SLIT2: variants seen among roughly 807,000 people sequenced by gnomAD.
The protein encoded by SLIT2 is slit guidance ligand 2, also known as slit homolog 2 protein.
SLIT2 carries 41 observed loss-of-function variants against 185.7 expected under a neutral mutation model. The observed-to-expected ratio is 0.22, with a 90% CI of 0.17 to 0.29. The LOEUF (loss-of-function observed/expected upper bound fraction) is 0.29. Ranked by LOEUF, SLIT2 falls within the 10% of genes least tolerant of loss-of-function variation. SLIT2 has a pLI of 1.00. For missense variants in SLIT2, 1,571 were observed against 1,909.0 expected, an observed-to-expected ratio of 0.82 and a Z score of 3.30; for synonymous variants, 693 against 680.2, an observed-to-expected ratio of 1.02 and a Z score of -0.29.
intron 11 of SLIT2, among the ~76,000 whole-genome samples, chr4:20,516,930 CT>C (rs1720267868): frequency 6.6e-6 from 1 of 152,036 alleles, no homozygotes; most frequent in South Asian, 2.1e-4. Context: ...GCATCTGTTA[CT>C]TTTTAACATG....
chr4:20,455,071 G>A (rs1273408651), intron 4 of SLIT2, among the ~76,000 whole-genome samples: 2 of 152,062 alleles, frequency 1.3e-5, no homozygotes, highest in South Asian at 4.1e-4. Context: ...TATGGAAAAT[G>A]TACATTCAGC....
rs758286740 is a variant in SLIT2, at chr4:20,491,771, A to G, written c.786A>G (p.Ser262=). The stretch of plus-strand genomic sequence containing the variant: ...TTATTTCTTTTTTAGGTCACCAGTC[A>G]TTTATGGCTCCTTCTTGTAGTGTTT... ...KREFVCSGHQ[S]FMAPSCSVLH... The change falls in exon 9 of 37, where the codon TCA becomes TCG. Residue 262 remains serine (S), a synonymous_variant. Transcript: ENST00000504154. 2.5e-6 allele frequency: 4 copies of G among 1,611,166 alleles called. No individual in the cohort carries two copies.
intron 4 of SLIT2, among the ~76,000 whole-genome samples, chr4:20,296,044 A>G (rs1270746714): frequency 4.6e-5 from 7 of 152,246 alleles, no homozygotes; most frequent in African/African-American, 1.2e-4. Flanking sequence ...CAAGTTTTCT[A>G]TCATGTGTTG....
At chr4:20,426,629 T>C (rs1728576760) in intron 4 of SLIT2, among the ~76,000 whole-genome samples, 1 of 151,086 alleles carries the variant, frequency 6.6e-6, no homozygotes, top group Non-Finnish European at 1.5e-5. Context: ...TGGAAATTGA[T>C]TGAAGAGGGA....
intron 4 of SLIT2, among the ~76,000 whole-genome samples, chr4:20,444,636 G>A (rs1173822995): frequency 1.3e-5 from 2 of 152,196 alleles, no homozygotes; most frequent in East Asian, 1.9e-4. Flanking sequence ...GGATAGCCCA[G>A]TGCAGTATCG....
intron 26 of SLIT2, among the ~76,000 whole-genome samples, chr4:20,561,982 A>AT (rs1416478586): frequency 6.6e-6 from 1 of 151,780 alleles, no homozygotes; most frequent in Non-Finnish European, 1.5e-5. Flanking sequence ...TTTCCATGTA[A>AT]TTTTGGCTCA....
In SLIT2 at chr4:20,596,544, C is replaced by T. The variant is rs1175718792; in HGVS notation, c.3450C>T (p.Gly1150=). 1 of 1,613,888 alleles carries T rather than the reference C, an allele frequency of 6.2e-7. No individual in the cohort carries two copies. The highest frequency in any genetic ancestry group is 8.5e-7 in the Non-Finnish European group (1 of 1,179,966). The change falls in exon 32 of 37, where the codon GGC becomes GGT. Residue 1150 remains glycine, a synonymous_variant. Transcript: ENST00000504154. Reference sequence around the variant, plus strand: ...AGCCAATATGTCAGTGTTTGCCTGGCTATCAGGGAGAAAAGTGTGAAAAAT... The same window carrying T: ...AGCCAATATGTCAGTGTTTGCCTGGTTATCAGGGAGAAAAGTGTGAAAAAT... ...INEPICQCLP[G]YQGEKCEKLV... is the part of the protein sequence containing the mutation.
At chr4:20,534,628 T>A (rs372771233) in intron 18 of SLIT2, among the ~76,000 whole-genome samples, 7 of 152,290 alleles carry the variant, frequency 4.6e-5, no homozygotes, top group African/African-American at 1.7e-4. Context: ...AAAATATTTG[T>A]AACCAAGAAG....
chr4:20,377,742 A>G (rs1320864699), intron 4 of SLIT2, among the ~76,000 whole-genome samples: 1 of 151,960 alleles, frequency 6.6e-6, no homozygotes, highest in Non-Finnish European at 1.5e-5. Flanking sequence ...CAGTTCCCCA[A>G]CTCTCAGTTT....
intron 5 of SLIT2, 67 bp downstream of exon 5, chr4:20,467,890 T>C (rs1182306831): frequency 5.2e-6 from 4 of 775,648 alleles, no homozygotes; most frequent in Admixed American, 2.6e-5. Context: ...AAGTTTATAT[T>C]AAATAAAGTG....
intron 9 of SLIT2, among the ~76,000 whole-genome samples, chr4:20,495,852 A>G (rs1560475156): frequency 6.6e-6 from 1 of 152,134 alleles, no homozygotes; most frequent in African/African-American, 2.4e-5. Flanking sequence ...TAGCTTAGTA[A>G]TTTATTTCTT....
intron 4 of SLIT2, among the ~76,000 whole-genome samples, chr4:20,338,705 G>A (rs183122601): frequency 1.3e-5 from 2 of 152,270 alleles, no homozygotes; most frequent in African/African-American, 4.8e-5. Context: ...ACTGCTGGGA[G>A]ACAGCAGGGA....
chr4:20,613,425 G>A (rs1456373121), intron 34 of SLIT2, among the ~76,000 whole-genome samples: 1 of 152,160 alleles, frequency 6.6e-6, no homozygotes, highest in Non-Finnish European at 1.5e-5. Context: ...CATACTGCAT[G>A]TTTCTCACCT....
intron 4 of SLIT2, among the ~76,000 whole-genome samples, chr4:20,290,066 A>G (rs1328284677): frequency 6.6e-6 from 1 of 152,118 alleles, no homozygotes; most frequent in Non-Finnish European, 1.5e-5. Flanking sequence ...CTACCTGCTC[A>G]TCTCCCAGTT....
In SLIT2 at chr4:20,404,647, A is replaced by G. The variant is rs574402032; in HGVS notation, c.396-63105A>G. Among the ~76,000 whole-genome samples, 10 of 152,210 alleles carry G rather than the reference A, an allele frequency of 6.6e-5. No homozygotes were observed. The South Asian group carries it at 2.1e-3, about 32-fold the overall frequency. ...CGAATGAATGCATGAATGAATGAAC[A>G]AGGGGAAATCTTGCCCAGAAAACCT... On this transcript the variant is annotated intron_variant, in intron 4 of 36. Transcript: ENST00000504154.
At chr4:20,521,246 T>C (rs558666278) in intron 12 of SLIT2, among the ~76,000 whole-genome samples, 1 of 152,342 alleles carries the variant, frequency 6.6e-6, no homozygotes, top group South Asian at 2.1e-4. Context: ...AAGCCATCTT[T>C]ATAAAGTTTC....
rs78804588 is a variant in SLIT2, at chr4:20,347,214, G to A, written c.395+78333G>A. Among the ~76,000 whole-genome samples the A allele has an allele frequency of 3.5e-3, 537 of 152,318 alleles. 4 individuals are homozygous for A. Among genetic ancestry groups the A allele is most frequent in the African/African-American group, 0.012 (506 of 41,560 alleles). ...ATTGCCATTTTATAGAGCACTGAGGGATTGTTTGCCATGGATGCTTCTCTG... is the reference window on the plus strand; with the variant it reads ...ATTGCCATTTTATAGAGCACTGAGGAATTGTTTGCCATGGATGCTTCTCTG... On this transcript the variant is annotated intron_variant, in intron 4 of 36. Coordinates refer to ENST00000504154, the MANE Select transcript of SLIT2 (RefSeq NM_004787.4).
intron 4 of SLIT2, among the ~76,000 whole-genome samples, chr4:20,465,154 A>G (rs1184469541): frequency 2.6e-5 from 4 of 152,210 alleles, no homozygotes. Context: ...TACTGAGATT[A>G]AGTAGCTCCT....
intron 9 of SLIT2, among the ~76,000 whole-genome samples, chr4:20,497,291 G>A (rs1718311310): frequency 6.6e-6 from 1 of 151,236 alleles, no homozygotes; most frequent in East Asian, 1.9e-4. Context: ...AAAAAACTTA[G>A]AAATTTTGTA....
Sources: gnomAD v4.1 joint callset for allele counts (sites outside exome capture counted in the v4.1 genomes callset) on GRCh38, gnomAD v4.1.1 for gene constraint, MANE v1.5 for transcripts, NCBI Gene and HGNC (gene_info 2026-07-23, HGNC 2026-07-21) for gene names.